Variants in TMEM132C observed in about 807,000 individuals in gnomAD.
TMEM132C encodes the protein transmembrane protein 132C, also known as protein phosphatase 1, regulatory subunit 152.
A neutral mutation model predicts 61.4 loss-of-function variants in TMEM132C; 29 were observed. The ratio of observed to expected loss-of-function variants is 0.47; its 90% CI spans 0.35 to 0.64. TMEM132C has a LOEUF of 0.64. Among genes scored for constraint, TMEM132C ranks in the 30% least tolerant of loss-of-function variants. The probability of loss-of-function intolerance (pLI) is 0.00; values close to 1 mark genes in which losing one functional copy is unlikely to be tolerated. For synonymous variants in TMEM132C, 656 were observed against 633.1 expected (o/e 1.04, Z -0.54); for missense variants, 1,408 against 1,476.9 (o/e 0.95, Z 0.76).
At chr12:128,523,776 G>A (rs1872987557) in intron 2 of TMEM132C, among the ~76,000 whole-genome samples, 1 of 141,358 alleles carries the variant, frequency 7.1e-6, no homozygotes, top group Admixed American at 7.2e-5. Context: ...GAGGGAGGAG[G>A]ATTGCTTGAG....
intron 2 of TMEM132C, among the ~76,000 whole-genome samples, chr12:128,417,317 C>G (rs1438680291): frequency 6.6e-6 from 1 of 152,010 alleles, no homozygotes; most frequent in Non-Finnish European, 1.5e-5. Flanking sequence ...TGTTAATGTC[C>G]CTCTTCAGAA....
chr12:128,544,475 A>C (rs962885425), intron 3 of TMEM132C, among the ~76,000 whole-genome samples: 3 of 152,246 alleles, frequency 2.0e-5, no homozygotes, highest in African/African-American at 7.2e-5. Flanking sequence ...TTGAGTTTTC[A>C]GTGAGAAGGA....
chr12:128,538,209 CT>C (rs1873603411), intron 2 of TMEM132C, among the ~76,000 whole-genome samples: 1 of 152,194 alleles, frequency 6.6e-6, no homozygotes, highest in Admixed American at 6.5e-5. Context: ...CAACCTCTGC[CT>C]CCTGGGTTCA....
chr12:128,657,448 T>C (rs563175599), intron 4 of TMEM132C, among the ~76,000 whole-genome samples: 86 of 152,222 alleles, frequency 5.6e-4, no homozygotes, highest in African/African-American at 2.0e-3. Context: ...TGTGATGAGA[T>C]TGGATGTTGC....
chr12:128,336,783 C>T (rs112281109), intron 1 of TMEM132C, among the ~76,000 whole-genome samples: 1,555 of 152,288 alleles, frequency 0.01, 33 homozygotes, highest in African/African-American at 0.036. Flanking sequence ...GAACAGCTTT[C>T]AGAACCCTGC....
intron 2 of TMEM132C, among the ~76,000 whole-genome samples, chr12:128,492,434 C>A (rs1871772945): frequency 6.6e-6 from 1 of 152,186 alleles, no homozygotes; most frequent in Non-Finnish European, 1.5e-5. Context: ...ACACTGTCTT[C>A]CACGATGGTT....
At chr12:128,696,732 C>T (rs879886083) in intron 7 of TMEM132C, among the ~76,000 whole-genome samples, 2 of 152,132 alleles carry the variant, frequency 1.3e-5, no homozygotes, top group Non-Finnish European at 2.9e-5. Flanking sequence ...AGCACATTCC[C>T]GTCATTTCCC....
At chr12:128,490,224 G>A (rs961600295) in intron 2 of TMEM132C, among the ~76,000 whole-genome samples, 1 of 152,140 alleles carries the variant, frequency 6.6e-6, no homozygotes, top group African/African-American at 2.4e-5. Flanking sequence ...CAAGAGTTTT[G>A]CTCTGATCCA....
intron 2 of TMEM132C, among the ~76,000 whole-genome samples, chr12:128,539,491 G>A (rs1055582101): frequency 2.0e-5 from 3 of 152,118 alleles, no homozygotes; most frequent in Admixed American, 1.3e-4. Context: ...GGCGGTGGTC[G>A]CCTGTAGTCC....
intron 1 of TMEM132C, among the ~76,000 whole-genome samples, chr12:128,396,450 T>C (rs1616341): frequency 0.38 from 57,228 of 151,686 alleles, 12,121 homozygotes; most frequent in African/African-American, 0.58. Context: ...AAATACCTAG[T>C]GCACGCGGGG....
intron 1 of TMEM132C, among the ~76,000 whole-genome samples, chr12:128,298,402 CTGTT>C (rs1871481850): frequency 6.6e-6 from 1 of 151,580 alleles, no homozygotes; most frequent in Non-Finnish European, 1.5e-5. Context: ...ATTTTTTTGT[CTGTT>C]TATTTGTTTT....
At position 128,445,713 on chromosome 12, in the gene TMEM132C, A is replaced by G. The variant is rs1869958121; in HGVS notation, c.974+30093A>G. 2.0e-5 allele frequency among the ~76,000 whole-genome samples: 3 copies of G among 152,192 alleles called. No homozygotes were observed. In the South Asian group the frequency reaches 6.2e-4, roughly 32 times the overall value. On this transcript the variant is annotated intron_variant, in intron 2 of 8. Transcript: ENST00000435159. ...GCCTGGTGTTTACAAACCTCCAGGG[A>G]GCATCTCTTTCAGTGCCCTGGCACT... is the stretch of plus-strand genomic sequence containing the variant.
In TMEM132C at chr12:128,697,209, C is replaced by A; in HGVS notation, c.1930-15C>A. ...AGGTGTGATGGATTTTCCTTGTGTC[C>A]TGCCAATCCCACAGGTGTTGTCTCC... On this transcript the variant is annotated splice_polypyrimidine_tract_variant and intron_variant, in intron 7 of 8. Coordinates refer to ENST00000435159, the MANE Select transcript of TMEM132C (RefSeq NM_001136103.3). 1 of 1,489,396 alleles carries A rather than the reference C, an allele frequency of 6.7e-7. No individual in the cohort carries two copies. 92.3% of individuals were successfully genotyped at this position (1,489,396 alleles called of 1,614,324 possible). A position where few individuals can be genotyped will look rare whatever the true frequency, so the allele number is the denominator to read the frequency against.
chr12:128,622,367 A>ATATG (rs1953976285), intron 4 of TMEM132C, among the ~76,000 whole-genome samples: 1 of 55,260 alleles, frequency 1.8e-5, no homozygotes, highest in South Asian at 4.9e-4. Flanking sequence ...AAAAATATAT[A>ATATG]TATATATATA....
chr12:128,378,641 C>A (rs949927019), intron 1 of TMEM132C, among the ~76,000 whole-genome samples: 1 of 152,112 alleles, frequency 6.6e-6, no homozygotes, highest in African/African-American at 2.4e-5. Context: ...CATAGTAATG[C>A]GTATTCCTCC....
intron 3 of TMEM132C, among the ~76,000 whole-genome samples, chr12:128,604,780 G>T (rs1439194669): frequency 6.6e-6 from 1 of 151,388 alleles, no homozygotes; most frequent in Non-Finnish European, 1.5e-5. Context: ...TGGATAGATA[G>T]ATAATGAATA....
chr12:128,701,557 C>T (rs573348621), intron 8 of TMEM132C, among the ~76,000 whole-genome samples: 3 of 152,314 alleles, frequency 2.0e-5, no homozygotes, highest in East Asian at 3.9e-4. Context: ...CTTGGTCCTG[C>T]GGGATGTAGA....
At chr12:128,497,723 G>T (rs530718791) in intron 2 of TMEM132C, among the ~76,000 whole-genome samples, 1 of 152,134 alleles carries the variant, frequency 6.6e-6, no homozygotes, top group East Asian at 1.9e-4. Flanking sequence ...TCCAGGTGCC[G>T]TCTGTCACCT....
chr12:128,705,622 T>C lies in TMEM132C; in HGVS notation c.2654T>C (p.Leu885Pro). The change falls in exon 9 of 9, where the codon CTG becomes CCG. Residue 885 changes from leucine (L) to proline (P), a missense_variant. By Grantham distance (98) the Leu-to-Pro change is moderately conservative. Coordinates refer to ENST00000435159, the MANE Select transcript of TMEM132C (RefSeq NM_001136103.3). ...DGGRLAGEGQLQNIPIDFTNF... is the reference protein window; with the variant it reads ...DGGRLAGEGQPQNIPIDFTNF... ...GGCAGGCTGGCAGGAGAGGGGCAGCTGCAGAACATCCCCATTGACTTCACC... is the reference window on the plus strand; with the variant it reads ...GGCAGGCTGGCAGGAGAGGGGCAGCCGCAGAACATCCCCATTGACTTCACC... 1 of 1,551,004 alleles carries C rather than the reference T, an allele frequency of 6.4e-7. No homozygotes were observed. Among genetic ancestry groups the C allele is most frequent in the Non-Finnish European group, 8.7e-7 (1 of 1,146,984 alleles).
Sources: allele counts gnomAD v4.1 joint callset (sites outside exome capture counted in the v4.1 genomes callset), GRCh38; gene constraint gnomAD v4.1.1; transcripts MANE v1.5; gene names NCBI Gene and HGNC (gene_info 2026-07-23, HGNC 2026-07-21).